Variants in DEPDC1B observed in about 807,000 individuals in gnomAD.
DEPDC1B encodes the protein DEP domain containing 1B, also known as DEP domain-containing protein 1B.
In DEPDC1B, 51 loss-of-function variants were observed where a neutral mutation model predicts 66.5. That is an observed-to-expected ratio of 0.77 (90% CI 0.61 to 0.97). The LOEUF (loss-of-function observed/expected upper bound fraction) is 0.97. Among genes scored for constraint, DEPDC1B ranks in the 50% least tolerant of loss-of-function variants. DEPDC1B has a pLI of 0.00. For synonymous variants in DEPDC1B, 226 were observed against 223.6 expected (o/e 1.01, Z -0.10); for missense variants, 552 against 637.1 (o/e 0.87, Z 1.44).
intron 7 of DEPDC1B, among the ~76,000 whole-genome samples, chr5:60,622,841 C>A (rs1752735440): frequency 1.3e-5 from 2 of 151,932 alleles, no homozygotes; most frequent in African/African-American, 4.8e-5. Flanking sequence ...CTTGTTGTGT[C>A]CAGTTTTTTT....
At chr5:60,667,318 A>G (rs1426268701) in intron 2 of DEPDC1B, among the ~76,000 whole-genome samples, 3 of 151,884 alleles carry the variant, frequency 2.0e-5, no homozygotes, top group African/African-American at 7.2e-5. Flanking sequence ...TTTGTAATCC[A>G]TATAACTGAT....
At chr5:60,622,991 T>C (rs1752739170) in intron 7 of DEPDC1B, among the ~76,000 whole-genome samples, 1 of 152,186 alleles carries the variant, frequency 6.6e-6, no homozygotes, top group South Asian at 2.1e-4. Context: ...ATTTCCAATT[T>C]TGATGAAGTC....
At chr5:60,598,906 T>C (rs936361866) in intron 10 of DEPDC1B, among the ~76,000 whole-genome samples, 169 bp downstream of exon 10, 38 of 152,132 alleles carry the variant, frequency 2.5e-4, no homozygotes, top group Non-Finnish European at 5.9e-5. Context: ...TCTAGGATAC[T>C]GACCACAAGT....
intron 2 of DEPDC1B, among the ~76,000 whole-genome samples, chr5:60,648,961 A>C (rs1753381150): frequency 6.6e-6 from 1 of 152,212 alleles, no homozygotes; most frequent in African/African-American, 2.4e-5. Flanking sequence ...ATGTATGTGC[A>C]CATATGCTCA....
intron 7 of DEPDC1B, among the ~76,000 whole-genome samples, chr5:60,625,208 G>A (rs548180086): frequency 9.9e-5 from 15 of 152,160 alleles, no homozygotes; most frequent in African/African-American, 2.7e-4. Context: ...ATAAACATAC[G>A]TGTGCATGTG....
chr5:60,663,550 G>A (rs542821749), intron 2 of DEPDC1B, among the ~76,000 whole-genome samples: 8 of 152,210 alleles, frequency 5.3e-5, no homozygotes, highest in South Asian at 2.1e-4. Flanking sequence ...CTGCATCCCC[G>A]TACATTCTGA....
chr5:60,632,238 G>A (rs1202823561), intron 7 of DEPDC1B, among the ~76,000 whole-genome samples: 2 of 152,198 alleles, frequency 1.3e-5, no homozygotes, highest in South Asian at 2.1e-4. Context: ...GGGCCACGGC[G>A]ATGGCAATGC....
intron 9 of DEPDC1B, among the ~76,000 whole-genome samples, chr5:60,601,651 C>A (rs1223645447): frequency 6.6e-6 from 1 of 151,948 alleles, no homozygotes. Context: ...AAATACCAAC[C>A]AAAAAGTATC....
chr5:60,666,496 T>A (rs977027618), intron 2 of DEPDC1B, among the ~76,000 whole-genome samples: 2 of 152,136 alleles, frequency 1.3e-5, no homozygotes, highest in African/African-American at 4.8e-5. Flanking sequence ...TCCCTAAGGA[T>A]GGGCTTTCTG....
chr5:60,662,059 GA>G (rs1038822628), intron 2 of DEPDC1B, among the ~76,000 whole-genome samples: 3 of 151,886 alleles, frequency 2.0e-5, no homozygotes, highest in African/African-American at 7.3e-5. Context: ...AATCTTAAAG[GA>G]TAAGTTTATC....
chr5:60,665,694 C>T (rs1753821393), intron 2 of DEPDC1B, among the ~76,000 whole-genome samples: 1 of 152,082 alleles, frequency 6.6e-6, no homozygotes, highest in Non-Finnish European at 1.5e-5. Flanking sequence ...CTGTTGGAAG[C>T]GGGGACCGAG....
intron 1 of DEPDC1B, among the ~76,000 whole-genome samples, chr5:60,693,472 A>T (rs1025583964): frequency 2.0e-5 from 3 of 152,190 alleles, no homozygotes; most frequent in Admixed American, 2.0e-4. Context: ...TGAGATCATG[A>T]CTATAAAAGT....
intron 2 of DEPDC1B, among the ~76,000 whole-genome samples, chr5:60,666,103 C>T (rs1363457862): frequency 6.6e-6 from 1 of 152,214 alleles, no homozygotes; most frequent in Non-Finnish European, 1.5e-5. Context: ...TTGCCACTGT[C>T]GCAGACTCGC....
intron 9 of DEPDC1B, among the ~76,000 whole-genome samples, chr5:60,600,781 T>C (rs778222165): frequency 1.3e-5 from 2 of 152,240 alleles, no homozygotes; most frequent in Non-Finnish European, 2.9e-5. Flanking sequence ...GCTAAGTTAC[T>C]ACAATATATG....
intron 3 of DEPDC1B, 116 bp from the exon 4 acceptor site, chr5:60,645,735 T>C: frequency 9.0e-7 from 1 of 1,106,952 alleles, no homozygotes; most frequent in Non-Finnish European, 1.2e-6. Context: ...ATTTGGTTAC[T>C]TGTAACTTGA....
At chr5:60,677,295 G>GACAC (rs770270774) in intron 2 of DEPDC1B, among the ~76,000 whole-genome samples, 24,498 of 112,312 alleles carry the variant, frequency 0.22, 3,117 homozygotes, top group East Asian at 0.3. Flanking sequence ...TTTTCATACA[G>GACAC]ACACACACAC....
rs113830970 is a variant in DEPDC1B, at chr5:60,655,712, T to C, written c.315-8179A>G. Among the ~76,000 whole-genome samples the C allele has an allele frequency of 2.5e-3, 379 of 149,410 alleles. 10 individuals are homozygous for C. Among genetic ancestry groups the C allele is most frequent in the Non-Finnish European group, 4.2e-3 (287 of 67,932 alleles). The stretch of plus-strand genomic sequence containing the variant: ...TAGTTCCTTGAGGTGTGACCTTAGA[T>C]TGCCTATTTGTGCTCTTTCAGATTT... On this transcript the variant is annotated intron_variant, in intron 2 of 10. Coordinates refer to ENST00000265036, the MANE Select transcript of DEPDC1B (RefSeq NM_018369.3).
intron 2 of DEPDC1B, among the ~76,000 whole-genome samples, chr5:60,676,605 A>G (rs182841485): frequency 1.3e-3 from 198 of 152,206 alleles, no homozygotes; most frequent in African/African-American, 4.6e-3. Context: ...CTTTTCTCCC[A>G]GGAAGCTTAT....
At chr5:60,600,870 G>A (rs942757013) in intron 9 of DEPDC1B, among the ~76,000 whole-genome samples, 4 of 152,238 alleles carry the variant, frequency 2.6e-5, no homozygotes, top group African/African-American at 9.6e-5. Flanking sequence ...GTTTGGCTGT[G>A]TCCTCACCCA....
Sources: allele counts gnomAD v4.1 joint callset (sites outside exome capture counted in the v4.1 genomes callset), GRCh38; gene constraint gnomAD v4.1.1; transcripts MANE v1.5; gene names NCBI Gene and HGNC (gene_info 2026-07-23, HGNC 2026-07-21).